The following ZNF277 variants were observed in gnomAD, a reference collection of about 807,000 sequenced individuals.
ZNF277 encodes the protein zinc finger protein 277, also known as nuclear receptor-interacting factor 4.
In ZNF277, 55 loss-of-function variants were observed where a neutral mutation model predicts 60.7. The ratio of observed to expected loss-of-function variants is 0.91; its 90% CI spans 0.73 to 1.13. ZNF277 has a LOEUF of 1.13. Among genes scored for constraint, ZNF277 ranks in the 50% most tolerant of loss-of-function variants. The pLI, the probability that ZNF277 is intolerant of heterozygous loss-of-function variation, is 0.00. For synonymous variants in ZNF277, 178 were observed against 179.3 expected, an observed-to-expected ratio of 0.99 and a Z score of 0.06; for missense variants, 510 against 523.0, an observed-to-expected ratio of 0.98 and a Z score of 0.24.
intron 4 of ZNF277, among the ~76,000 whole-genome samples, chr7:112,298,636 G>T (rs1792406021): frequency 6.6e-6 from 1 of 152,180 alleles, no homozygotes; most frequent in Admixed American, 6.5e-5. Flanking sequence ...TCCATTTCAA[G>T]CTGTCAAAGC....
rs141367352 is a variant in ZNF277 at position 112,248,125 on chromosome 7, T to A, written c.92-38748T>A. On this transcript the variant is annotated intron_variant, in intron 1 of 11. Coordinates refer to ENST00000361822, the MANE Select transcript of ZNF277 (RefSeq NM_021994.3). ...CCTTGGAGAGTTGGGTAATGATTTA[T>A]CTTTTGTGAAAAGTGTGAAATCAAG... Among the ~76,000 whole-genome samples, 1,185 of 152,304 alleles carry A rather than the reference T, an allele frequency of 7.8e-3. 19 individuals carry two copies. Among genetic ancestry groups the A allele is most frequent in the African/African-American group, 0.027 (1,129 of 41,554 alleles).
chr7:112,228,163 C>A (rs1822224953), intron 1 of ZNF277, among the ~76,000 whole-genome samples: 1 of 152,004 alleles, frequency 6.6e-6, no homozygotes, highest in African/African-American at 2.4e-5. Context: ...ACATGGCCTC[C>A]TTTCCTGCAT....
chr7:112,326,124 T>C (rs1365163095), intron 5 of ZNF277, among the ~76,000 whole-genome samples: 1 of 152,074 alleles, frequency 6.6e-6, no homozygotes, highest in Admixed American at 6.5e-5. Context: ...GATATTTTGA[T>C]CCTAGATAGA....
chr7:112,288,376 G>T (rs1554491157), intron 2 of ZNF277: 2 of 152,068 alleles, frequency 1.3e-5, no homozygotes, highest in Non-Finnish European at 1.5e-5. Flanking sequence ...GTTTCTCCCA[G>T]GCCATATAAA....
At chr7:112,321,114 G>T (rs957058527) in intron 5 of ZNF277, among the ~76,000 whole-genome samples, 1 of 150,986 alleles carries the variant, frequency 6.6e-6, no homozygotes, top group Non-Finnish European at 1.5e-5. Context: ...GTAGAGATGG[G>T]GTTTCATTGT....
intron 9 of ZNF277, among the ~76,000 whole-genome samples, chr7:112,339,168 G>C: frequency 6.6e-6 from 1 of 152,296 alleles, no homozygotes; most frequent in Admixed American, 6.5e-5. Context: ...CATAATTCTA[G>C]TCCAAATGCA....
At chr7:112,282,037 T>G (rs1791957239) in intron 1 of ZNF277, among the ~76,000 whole-genome samples, 1 of 152,160 alleles carries the variant, frequency 6.6e-6, no homozygotes, top group Non-Finnish European at 1.5e-5. Context: ...TTCACCGTGT[T>G]GGCCAGGGTG....
At chr7:112,218,600 G>C (rs538762238) in intron 1 of ZNF277, among the ~76,000 whole-genome samples, 1 of 151,942 alleles carries the variant, frequency 6.6e-6, no homozygotes, top group Non-Finnish European at 1.5e-5. Context: ...TGTACCTTTC[G>C]ACCAACATCT....
intron 1 of ZNF277, among the ~76,000 whole-genome samples, chr7:112,265,092 C>G (rs1378656095): frequency 6.6e-6 from 1 of 152,142 alleles, no homozygotes; most frequent in Admixed American, 6.5e-5. Context: ...ATCATTTGTG[C>G]GTTCAGTGGA....
chr7:112,330,328 T>C, intron 7 of ZNF277, 112 bp downstream of exon 7: 1 of 1,012,672 alleles, frequency 9.9e-7, no homozygotes, highest in Non-Finnish European at 1.5e-6. Flanking sequence ...AAAATGTAAT[T>C]GAGGGGCACA....
intron 1 of ZNF277, among the ~76,000 whole-genome samples, chr7:112,272,338 TA>T (rs1791689834): frequency 6.6e-6 from 1 of 152,182 alleles, no homozygotes; most frequent in South Asian, 2.1e-4. Flanking sequence ...GACAGACACT[TA>T]CGTTGCTTCC....
At chr7:112,230,181 C>T (rs1822285095) in intron 1 of ZNF277, among the ~76,000 whole-genome samples, 1 of 152,048 alleles carries the variant, frequency 6.6e-6, no homozygotes, top group Non-Finnish European at 1.5e-5. Context: ...AATCTCAGCA[C>T]TCTGGGAGGC....
At position 112,343,510 on chromosome 7, in the gene ZNF277, A is replaced by G. The variant is rs748659486; in HGVS notation, c.*781A>G. ...TCTCAAAATGTATGTTTACAATATT[A>G]TCAGTTTCATTACTGATGAATATTA... On this transcript the variant is annotated 3_prime_UTR_variant, in exon 12 of 12. Coordinates refer to ENST00000361822, the MANE Select transcript of ZNF277 (RefSeq NM_021994.3). 2.6e-5 allele frequency among the ~76,000 whole-genome samples: 4 copies of G among 152,196 alleles called. No individual in the cohort carries two copies. Among genetic ancestry groups the G allele is most frequent in the Admixed American group, 1.3e-4 (2 of 15,278 alleles).
intron 5 of ZNF277, among the ~76,000 whole-genome samples, chr7:112,321,211 G>A (rs555964786): frequency 5.3e-5 from 8 of 151,732 alleles, no homozygotes; most frequent in Non-Finnish European, 1.0e-4. Context: ...GTGAGCCACC[G>A]CACCCGGCTC....
At chr7:112,315,668 C>T (rs867317190) in intron 4 of ZNF277, among the ~76,000 whole-genome samples, 2 of 151,988 alleles carry the variant, frequency 1.3e-5, no homozygotes, top group Non-Finnish European at 2.9e-5. Flanking sequence ...TCTTAGAAAC[C>T]GTCTTGTGCA....
intron 1 of ZNF277, among the ~76,000 whole-genome samples, chr7:112,232,591 C>T (rs1344205329): frequency 6.6e-6 from 1 of 152,136 alleles, no homozygotes. Flanking sequence ...AGGATTGAAA[C>T]GGTCTGCTCC....
At chr7:112,339,960 C>A in intron 10 of ZNF277, 75 bp downstream of exon 10, 1 of 1,374,492 alleles carries the variant, frequency 7.3e-7, no homozygotes, top group Non-Finnish European at 1.0e-6. Flanking sequence ...TGCCTATGTT[C>A]AGTAGCTATG....
rs1478966871 is a variant in ZNF277, at chr7:112,343,676, C to G, written c.*947C>G. On this transcript the variant is annotated 3_prime_UTR_variant, in exon 12 of 12. Coordinates refer to ENST00000361822, the MANE Select transcript of ZNF277 (RefSeq NM_021994.3). Reference sequence around the variant, plus strand: ...GCACAGTAGCTCATATCTGTAATCCCAGCACTTTGGGAGGCCAAGGCAGAG... The same window carrying G: ...GCACAGTAGCTCATATCTGTAATCCGAGCACTTTGGGAGGCCAAGGCAGAG... Among the ~76,000 whole-genome samples, 1 of 152,074 alleles carries G rather than the reference C, an allele frequency of 6.6e-6. No individual in the cohort carries two copies.
At chr7:112,254,380 C>G (rs1791260996) in intron 1 of ZNF277, among the ~76,000 whole-genome samples, 1 of 152,180 alleles carries the variant, frequency 6.6e-6, no homozygotes, top group African/African-American at 2.4e-5. Flanking sequence ...AACGAGTCCT[C>G]CAGGTGATTC....
Sources: allele counts gnomAD v4.1 joint callset (sites outside exome capture counted in the v4.1 genomes callset), GRCh38; gene constraint gnomAD v4.1.1; transcripts MANE v1.5; gene names NCBI Gene and HGNC (gene_info 2026-07-23, HGNC 2026-07-21).